Variants in TSPAN11 observed in about 807,000 individuals in gnomAD.
TSPAN11 encodes the protein tetraspanin-11.
A neutral mutation model predicts 32.9 loss-of-function variants in TSPAN11; 29 were observed. That is an observed-to-expected ratio of 0.88 (90% CI 0.66 to 1.20). The LOEUF (loss-of-function observed/expected upper bound fraction) is 1.20. Ranked by LOEUF, TSPAN11 falls within the 50% of genes most tolerant of loss-of-function variation. The pLI, the probability that TSPAN11 is intolerant of heterozygous loss-of-function variation, is 0.00. For missense variants in TSPAN11, 283 were observed against 329.1 expected (o/e 0.86, Z 1.08); for synonymous variants, 140 against 141.3 (o/e 0.99, Z 0.07).
the TSPAN11 span, among the ~76,000 whole-genome samples, chr12:31,003,723 G>C: frequency 6.6e-6 from 1 of 152,056 alleles, no homozygotes; most frequent in Non-Finnish European, 1.5e-5. Context: ...CTGCACTTTG[G>C]GGTTCCCGGG....
intron 4 of TSPAN11, 144 bp from the exon 5 acceptor site, chr12:30,979,422 T>TA (rs143319268): frequency 0.035 from 25,811 of 729,728 alleles, 842 homozygotes; most frequent in East Asian, 0.16. Flanking sequence ...GATGGTCCCT[T>TA]ACGCTGTTGA....
At chr12:30,978,913 G>A in intron 4 of TSPAN11, 1 of 474,680 alleles carries the variant, frequency 2.1e-6, no homozygotes. Flanking sequence ...TCCAAGAATG[G>A]TCTAGAGGAT....
chr12:31,004,291 G>A, the TSPAN11 span, among the ~76,000 whole-genome samples: 2 of 152,184 alleles, frequency 1.3e-5, no homozygotes, highest in Admixed American at 6.5e-5. Context: ...GTCCGGTTGT[G>A]TGCATGCCAT....
intron 1 of TSPAN11, among the ~76,000 whole-genome samples, chr12:30,950,326 C>A (rs560671832): frequency 3.9e-5 from 6 of 152,166 alleles, no homozygotes; most frequent in Non-Finnish European, 2.9e-5. Context: ...GAATCTGTAT[C>A]CCTAATTATT....
At chr12:30,953,874 A>T in intron 1 of TSPAN11, 107 bp from the exon 2 acceptor site, 1 of 726,558 alleles carries the variant, frequency 1.4e-6, no homozygotes, top group Non-Finnish European at 2.3e-6. Context: ...CCCGGCAGAT[A>T]GGTTAATGAG....
chr12:30,977,085 G>A (rs1938989155), intron 3 of TSPAN11, among the ~76,000 whole-genome samples: 1 of 152,162 alleles, frequency 6.6e-6, no homozygotes, highest in African/African-American at 2.4e-5. Context: ...TGAGGAGGTG[G>A]GTAATGCACT....
rs888067076 is a variant in TSPAN11, at chr12:30,994,976, A to C, written c.*3061A>C. On this transcript the variant is annotated 3_prime_UTR_variant, in exon 8 of 8. Transcript: ENST00000546076. Reference sequence around the variant, plus strand: ...CTCCATAAGGAGCCATCAGGCTGTCATTAAGGAACAGAGTGTCACTCAGGG... The same window carrying C: ...CTCCATAAGGAGCCATCAGGCTGTCCTTAAGGAACAGAGTGTCACTCAGGG... 6.6e-6 allele frequency: 1 copy of C among 152,008 alleles called. No homozygotes were observed. Among genetic ancestry groups the C allele is most frequent in the Non-Finnish European group, 1.5e-5 (1 of 68,034 alleles). 9.4% of individuals were successfully genotyped at this position (152,008 alleles called of 1,614,324 possible). A position where few individuals can be genotyped will look rare whatever the true frequency, so the allele number is the denominator to read the frequency against.
intron 3 of TSPAN11, among the ~76,000 whole-genome samples, chr12:30,973,524 C>T (rs115899342): frequency 0.027 from 4,043 of 152,234 alleles, 178 homozygotes; most frequent in African/African-American, 0.092. Flanking sequence ...GCTCCCACTA[C>T]AGAAAACCTG....
intron 1 of TSPAN11, among the ~76,000 whole-genome samples, chr12:30,931,538 CT>C (rs1208088935): frequency 6.6e-6 from 1 of 152,184 alleles, no homozygotes; most frequent in East Asian, 1.9e-4. Context: ...TAGATAAGCA[CT>C]AGGGTTTTGA....
intron 3 of TSPAN11, among the ~76,000 whole-genome samples, chr12:30,964,866 G>C (rs1212824043): frequency 1.3e-5 from 2 of 152,208 alleles, no homozygotes; most frequent in East Asian, 3.8e-4. Context: ...TGTTAAAATT[G>C]GTTGCTTATC....
intron 1 of TSPAN11, among the ~76,000 whole-genome samples, chr12:30,947,066 G>T (rs1592467476): frequency 6.6e-6 from 1 of 152,182 alleles, no homozygotes; most frequent in Admixed American, 6.5e-5. Context: ...CAATTTCAGG[G>T]GATTATCCAA....
chr12:30,976,828 C>G lies in TSPAN11; in HGVS notation c.277-1733C>G, dbSNP rs922049422. ...ATGTGCCCCTAGCCTGCACCACACCCAGCCCTCTCCACACACCTCCCATCC... is the reference window on the plus strand; with the variant it reads ...ATGTGCCCCTAGCCTGCACCACACCGAGCCCTCTCCACACACCTCCCATCC... On this transcript the variant is annotated intron_variant, in intron 3 of 7. Transcript: ENST00000546076. 3.9e-5 allele frequency among the ~76,000 whole-genome samples: 6 copies of G among 152,244 alleles called. No individual in the cohort carries two copies. The East Asian group carries it at 1.2e-3, about 29-fold the overall frequency.
chr12:30,937,187 G>C (rs1938062711), intron 1 of TSPAN11, among the ~76,000 whole-genome samples: 1 of 152,206 alleles, frequency 6.6e-6, no homozygotes, highest in African/African-American at 2.4e-5. Flanking sequence ...GGGCGGTGGA[G>C]GAGGTCAGAC....
At position 30,955,494 on chromosome 12, in the gene TSPAN11, T is replaced by C. The variant is rs537941467; in HGVS notation, c.84+1419T>C. ...TATCCACTACAGATAACCTCTAAAA[T>C]ATTAAAAAGTATCGTAAAATAAAAA... On this transcript the variant is annotated intron_variant, in intron 2 of 7. Transcript: ENST00000546076. Among the ~76,000 whole-genome samples, 61 of 152,318 alleles carry C rather than the reference T, an allele frequency of 4.0e-4. 1 individual carries two copies. Among genetic ancestry groups the C allele is most frequent in the Middle Eastern group, 6.8e-3 (2 of 294 alleles).
chr12:30,946,962 A>G (rs1245049451), intron 1 of TSPAN11, among the ~76,000 whole-genome samples: 1 of 152,150 alleles, frequency 6.6e-6, no homozygotes, highest in Admixed American at 6.5e-5. Flanking sequence ...CCATTGGTTC[A>G]AGAAGCCCAA....
the TSPAN11 span, among the ~76,000 whole-genome samples, chr12:31,004,050 C>G: frequency 1.8e-4 from 28 of 152,126 alleles, no homozygotes; most frequent in African/African-American, 6.5e-4. Flanking sequence ...GAAGAGACCT[C>G]GTCTGGCTGG....
chr12:30,954,175 A>C (rs1027770293), intron 2 of TSPAN11, 100 bp downstream of exon 2: 4 of 835,864 alleles, frequency 4.8e-6, no homozygotes, highest in Admixed American at 3.7e-5. Context: ...ATATCTTCCA[A>C]ATCAAAGATC....
the TSPAN11 span, among the ~76,000 whole-genome samples, chr12:31,007,622 G>T: frequency 2.0e-5 from 3 of 146,710 alleles, no homozygotes; most frequent in Admixed American, 6.7e-5. Context: ...TCCCCTCTTT[G>T]CTTCCAGGAG....
chr12:30,957,306 G>A (rs1326409681), intron 2 of TSPAN11, among the ~76,000 whole-genome samples: 1 of 151,334 alleles, frequency 6.6e-6, no homozygotes, highest in African/African-American at 2.4e-5. Context: ...CACAGTCGAG[G>A]GGGATATGCA....
Sources: allele counts gnomAD v4.1 joint callset (sites outside exome capture counted in the v4.1 genomes callset), GRCh38; gene constraint gnomAD v4.1.1; transcripts MANE v1.5; gene names NCBI Gene and HGNC (gene_info 2026-07-23, HGNC 2026-07-21).